Variants in ACOX3 observed in about 807,000 individuals in gnomAD.
ACOX3 encodes acyl-CoA oxidase 3, pristanoyl, also known as peroxisomal acyl-coenzyme A oxidase 3.
ACOX3 carries 73 observed loss-of-function variants against 81.5 expected under a neutral mutation model. The ratio of observed to expected loss-of-function variants is 0.90; its 90% confidence interval spans 0.74 to 1.09. ACOX3 has a LOEUF of 1.09. ACOX3 is among the 50% of genes least tolerant of loss of function. ACOX3 has a pLI of 0.00. For missense variants in ACOX3, 947 were observed against 928.0 expected, an observed-to-expected ratio of 1.02 and a Z score of -0.27; for synonymous variants, 387 against 375.1, an observed-to-expected ratio of 1.03 and a Z score of -0.37.
At chr4:8,363,743 G>C (rs530862107), downstream of ACOX3, among the ~76,000 whole-genome samples, 2 of 152,254 alleles carry the variant, frequency 1.3e-5, no homozygotes, top group African/African-American at 4.8e-5. Context: ...TGATAAAATG[G>C]GTGGCAGTAA....
rs1718752974 is a variant in ACOX3, at chr4:8,389,845, C to T, written c.1301-111G>A. 7.0e-7 allele frequency: 1 copy of T among 1,433,976 alleles called. No homozygotes were observed. The highest frequency in any genetic ancestry group is 9.5e-7 in the Non-Finnish European group (1 of 1,052,684). The allele number at this position is 1,433,976 out of a possible 1,614,324, so 88.8% of individuals were successfully genotyped here. A position where few individuals can be genotyped will look rare whatever the true frequency, so the allele number is the denominator to read the frequency against. ...AGAGGCTGGGTGCGGTGGCTCACAC[C>T]TGTAATGGCAGCACTTTGGGGGGCC... is the stretch of plus-strand genomic sequence containing the variant. On this transcript the variant is annotated intron_variant, in intron 11 of 17. Transcript: ENST00000356406. The surrounding 1 kb of genome is among the most constrained non-coding windows in gnomAD (Gnocchi z 5.3).
intron 8 of ACOX3, among the ~76,000 whole-genome samples, chr4:8,398,165 C>T: frequency 6.6e-6 from 1 of 152,014 alleles, no homozygotes; most frequent in East Asian, 1.9e-4. Flanking sequence ...CACTCCACCT[C>T]AAAAAATATA....
At position 8,389,514 on chromosome 4, in the gene ACOX3, G is replaced by A; in HGVS notation, c.1423+98C>T. The A allele has an allele frequency of 6.4e-7, 1 of 1,557,584 alleles. No individual in the cohort carries two copies. Among genetic ancestry groups the A allele is most frequent in the Non-Finnish European group, 8.8e-7 (1 of 1,139,676 alleles). On this transcript the variant is annotated intron_variant, in intron 12 of 17. Coordinates refer to ENST00000356406, the MANE Select transcript of ACOX3 (RefSeq NM_003501.3). This position sits in a 1 kb window ranked among gnomAD's most constrained non-coding sequence, Gnocchi z 5.3. ...CATTTCTTTCCTTCTGCAAACCTAGGATGCATTCACAGAACAGCTGAATCA... is the reference window on the plus strand; with the variant it reads ...CATTTCTTTCCTTCTGCAAACCTAGAATGCATTCACAGAACAGCTGAATCA...
At chr4:8,409,219 T>C (rs929523210) in intron 6 of ACOX3, among the ~76,000 whole-genome samples, 3 of 152,256 alleles carry the variant, frequency 2.0e-5, no homozygotes, top group Non-Finnish European at 2.9e-5. Flanking sequence ...TTGAAAAACT[T>C]TGTGCATCAA....
chr4:8,395,682 G>GCTTGGTGGTAAGGCCAA (rs1475235506), intron 9 of ACOX3, among the ~76,000 whole-genome samples: 1,988 of 152,310 alleles, frequency 0.013, 46 homozygotes, highest in African/African-American at 0.046. Context: ...GGTAAGGCCA[G>GCTTGGTGGTAAGGCCAA]GCATGGTGGC....
Position 8,385,217 on chromosome 4 carries a change from A to G in ACOX3, c.1538-3610T>C, listed in dbSNP as rs1414858999. Among the ~76,000 whole-genome samples, 4 of 152,022 alleles carry G rather than the reference A, an allele frequency of 2.6e-5. No homozygotes were observed. Among genetic ancestry groups the G allele is most frequent in the African/African-American group, 9.6e-5 (4 of 41,462 alleles). On this transcript the variant is annotated intron_variant, in intron 13 of 17. Coordinates refer to ENST00000356406, the MANE Select transcript of ACOX3 (RefSeq NM_003501.3). The surrounding 1 kb of genome is among the most constrained non-coding windows in gnomAD (Gnocchi z 5.5). ...TCTGGGAGCACTGTCTGCACCACGAACCCCACTGCTCACCTCATATGACCC... is the reference window on the plus strand; with the variant it reads ...TCTGGGAGCACTGTCTGCACCACGAGCCCCACTGCTCACCTCATATGACCC...
chr4:8,391,157 T>C (rs1017837896), intron 11 of ACOX3, among the ~76,000 whole-genome samples: 3 of 152,186 alleles, frequency 2.0e-5, no homozygotes, highest in Admixed American at 6.6e-5. Flanking sequence ...AGAATCCCGA[T>C]GAGTTACAAA....
chr4:8,418,419 A>G (rs1722572098), intron 1 of ACOX3, among the ~76,000 whole-genome samples: 1 of 147,766 alleles, frequency 6.8e-6, no homozygotes, highest in Non-Finnish European at 1.5e-5. Flanking sequence ...AGATTGCACC[A>G]CTGCATTCCA....
At position 8,398,152 on chromosome 4, in the gene ACOX3, C is replaced by A. The variant is rs183555417; in HGVS notation, c.874-1033G>T. Among the ~76,000 whole-genome samples the A allele has an allele frequency of 3.9e-3, 587 of 152,256 alleles. 4 individuals carry two copies. Among genetic ancestry groups the A allele is most frequent in the African/African-American group, 0.014 (571 of 41,544 alleles). On this transcript the variant is annotated intron_variant, in intron 8 of 17. Transcript: ENST00000356406. ...TTGCACTGCAGCCTGGGTGACAGAG[C>A]AACACTCCACCTCAAAAAATATATA...
At chr4:8,376,102 C>T (rs1008473177) in intron 14 of ACOX3, among the ~76,000 whole-genome samples, 5 of 152,332 alleles carry the variant, frequency 3.3e-5, no homozygotes, top group South Asian at 2.1e-4. Flanking sequence ...CTGCCCTCCA[C>T]GGTGGCTGAA....
downstream of ACOX3, among the ~76,000 whole-genome samples, chr4:8,363,406 C>T (rs1420665153): frequency 6.6e-6 from 1 of 152,184 alleles, no homozygotes; most frequent in Non-Finnish European, 1.5e-5. Flanking sequence ...TTATGAATGG[C>T]TCTCACCATT....
At chr4:8,436,471 A>T (rs1027602549) in intron 1 of ACOX3, 7 of 152,180 alleles carry the variant, frequency 4.6e-5, no homozygotes, top group African/African-American at 9.7e-5. Flanking sequence ...AATTATATTT[A>T]AAAAAGGGCC....
At chr4:8,392,646 G>A (rs1719140868) in intron 10 of ACOX3, among the ~76,000 whole-genome samples, 193 bp from the exon 11 acceptor site, 1 of 152,172 alleles carries the variant, frequency 6.6e-6, no homozygotes, top group African/African-American at 2.4e-5. Flanking sequence ...ATACACTGTG[G>A]TACGCTCATA....
intron 1 of ACOX3, among the ~76,000 whole-genome samples, chr4:8,418,573 A>G (rs908946661): frequency 6.6e-6 from 1 of 152,220 alleles, no homozygotes; most frequent in African/African-American, 2.4e-5. Context: ...CAAATGGCCA[A>G]AAAATACAGG....
intron 10 of ACOX3, among the ~76,000 whole-genome samples, chr4:8,393,621 ACACACACACACACACG>A (rs1432523111): frequency 1.7e-5 from 2 of 115,730 alleles, no homozygotes; most frequent in Admixed American, 1.7e-4. Context: ...ACACGCACAC[ACACACACACACACACG>A]CACACACACA....
chr4:8,388,661 C>T (rs1718590713), intron 13 of ACOX3, among the ~76,000 whole-genome samples: 1 of 152,206 alleles, frequency 6.6e-6, no homozygotes, highest in Admixed American at 6.5e-5. Flanking sequence ...ACGCCCCACC[C>T]CGACCACCGC....
chr4:8,373,948 C>T, intron 15 of ACOX3: 1 of 398,888 alleles, frequency 2.5e-6, no homozygotes, highest in Non-Finnish European at 4.6e-6. Flanking sequence ...GGGCGGGTTC[C>T]TTCCTCGGGA....
chr4:8,380,916 A>C (rs1381168497), intron 14 of ACOX3, among the ~76,000 whole-genome samples: 2 of 152,144 alleles, frequency 1.3e-5, no homozygotes, highest in Non-Finnish European at 2.9e-5. Flanking sequence ...GCTCTGCTCT[A>C]GGGCAGATGG....
At position 8,386,560 on chromosome 4, in the gene ACOX3, C is replaced by T. The variant is rs563556088; in HGVS notation, c.1537+2613G>A. ...CAGCCTGGGCGACAGAGCGAGACTC[C>T]GTCTCAAAAAAAAAAAAAAAAAGAA... On this transcript the variant is annotated intron_variant, in intron 13 of 17. Coordinates refer to ENST00000356406, the MANE Select transcript of ACOX3 (RefSeq NM_003501.3). This position sits in a 1 kb window ranked among gnomAD's most constrained non-coding sequence, Gnocchi z 5.2. Among the ~76,000 whole-genome samples the T allele has an allele frequency of 6.2e-5, 9 of 144,978 alleles. No homozygotes were observed. The highest frequency in any genetic ancestry group is 4.4e-4 in the South Asian group (2 of 4,502).
Sources: allele counts gnomAD v4.1 joint callset (sites outside exome capture counted in the v4.1 genomes callset), GRCh38; gene constraint gnomAD v4.1.1; non-coding constraint Gnocchi (gnomAD v3.1); transcripts MANE v1.5; gene names NCBI Gene and HGNC (gene_info 2026-07-23, HGNC 2026-07-21).